The following PTPRD variants were observed in gnomAD, a reference collection of about 807,000 sequenced individuals.
PTPRD encodes receptor-type tyrosine-protein phosphatase delta.
A neutral mutation model predicts 214.5 loss-of-function variants in PTPRD; 34 were observed. That is an observed-to-expected ratio of 0.16 (90% confidence interval 0.12 to 0.21). The LOEUF (loss-of-function observed/expected upper bound fraction) is 0.21. Ranked by LOEUF, PTPRD falls within the 10% of genes least tolerant of loss-of-function variation. The pLI is 1.00. For missense variants in PTPRD, 2,545 were observed against 2,398.7 expected, an observed-to-expected ratio of 1.06 and a Z score of -1.27; for synonymous variants, 1,128 against 845.7, an observed-to-expected ratio of 1.33 and a Z score of -5.79.
At chr9:8,531,664 A>T (rs1011833836) in intron 14 of PTPRD, among the ~76,000 whole-genome samples, 1 of 152,048 alleles carries the variant, frequency 6.6e-6, no homozygotes, top group African/African-American at 2.4e-5. Context: ...TATCTCTCCC[A>T]TGGTGTTTAA....
chr9:8,634,878 T>C (rs986415927), intron 13 of PTPRD, among the ~76,000 whole-genome samples: 6 of 151,528 alleles, frequency 4.0e-5, no homozygotes, highest in African/African-American at 1.5e-4. Flanking sequence ...TACCACACAT[T>C]ACACGCCAGT....
chr9:10,029,184 A>G (rs551367783), intron 4 of PTPRD, among the ~76,000 whole-genome samples: 37 of 152,328 alleles, frequency 2.4e-4, no homozygotes, highest in African/African-American at 8.9e-4. Flanking sequence ...GAGGATGTAC[A>G]GAAATACCTG....
At chr9:8,325,766 T>C (rs1256722222) in intron 44 of PTPRD, among the ~76,000 whole-genome samples, 1 of 151,548 alleles carries the variant, frequency 6.6e-6, no homozygotes, top group Admixed American at 6.6e-5. Flanking sequence ...TGAACAGTGG[T>C]TTGTAGTTCT....
At chr9:10,074,953 G>C (rs958531613) in intron 3 of PTPRD, among the ~76,000 whole-genome samples, 1 of 152,070 alleles carries the variant, frequency 6.6e-6, no homozygotes, top group Non-Finnish European at 1.5e-5. Context: ...TTAGTCAAAC[G>C]ATTTAGGTGT....
intron 5 of PTPRD, among the ~76,000 whole-genome samples, chr9:9,925,150 A>G (rs1223686439): frequency 6.6e-6 from 1 of 152,118 alleles, no homozygotes; most frequent in Non-Finnish European, 1.5e-5. Context: ...TTAAATTATC[A>G]CAAATCTACA....
At chr9:10,260,428 CAG>C (rs140391407) in intron 3 of PTPRD, among the ~76,000 whole-genome samples, 13 of 152,254 alleles carry the variant, frequency 8.5e-5, no homozygotes, top group African/African-American at 2.9e-4. Flanking sequence ...TCAACAGATA[CAG>C]AGTTTCCCAT....
intron 9 of PTPRD, among the ~76,000 whole-genome samples, chr9:9,370,596 C>T (rs796799777): frequency 6.6e-6 from 1 of 151,132 alleles, no homozygotes; most frequent in African/African-American, 2.4e-5. Flanking sequence ...AATTGAATAC[C>T]CTTTATTTCC....
chr9:8,383,316 A>G (rs2085785542), intron 37 of PTPRD, among the ~76,000 whole-genome samples: 1 of 152,142 alleles, frequency 6.6e-6, no homozygotes, highest in African/African-American at 2.4e-5. Flanking sequence ...TAGGAGGAGG[A>G]GTGAGTGGTC....
At chr9:9,979,313 C>T (rs888315519) in intron 4 of PTPRD, among the ~76,000 whole-genome samples, 19 of 151,996 alleles carry the variant, frequency 1.3e-4, no homozygotes, top group African/African-American at 3.9e-4. Context: ...AGGTATTTTG[C>T]TTTTCCAGAT....
At chr9:10,209,099 G>A (rs2099501444) in intron 3 of PTPRD, among the ~76,000 whole-genome samples, 1 of 152,068 alleles carries the variant, frequency 6.6e-6, no homozygotes, top group Non-Finnish European at 1.5e-5. Context: ...TTTTTCCACT[G>A]GAAACTGTGT....
rs562509740 is a variant in PTPRD at position 10,275,855 on chromosome 9, G to A, written c.-545+65108C>T. Among the ~76,000 whole-genome samples the A allele has an allele frequency of 3.9e-5, 6 of 152,284 alleles. No individual in the cohort carries two copies. In the East Asian group the frequency reaches 1.2e-3, roughly 29 times the overall value. The stretch of plus-strand genomic sequence containing the variant: ...ATGCCCCAAGTGGAGAAAAATCCCT[G>A]AGGGACATGAAATGAAAGAAGAGAA... On this transcript the variant is annotated intron_variant, in intron 3 of 45. Coordinates refer to ENST00000381196, the MANE Select transcript of PTPRD (RefSeq NM_002839.4).
intron 10 of PTPRD, among the ~76,000 whole-genome samples, chr9:9,036,293 C>G (rs534290147): frequency 6.6e-6 from 1 of 150,654 alleles, no homozygotes; most frequent in Non-Finnish European, 1.5e-5. Flanking sequence ...ATAATTAGTG[C>G]TCTTCTAAGT....
chr9:9,843,930 T>G (rs1481561604), intron 5 of PTPRD, among the ~76,000 whole-genome samples: 1 of 152,024 alleles, frequency 6.6e-6, no homozygotes, highest in African/African-American at 2.4e-5. Flanking sequence ...GGCTTAAGAT[T>G]CATTGGGGAA....
intron 7 of PTPRD, among the ~76,000 whole-genome samples, chr9:9,713,086 G>A (rs952986009): frequency 1.3e-5 from 2 of 152,104 alleles, no homozygotes; most frequent in African/African-American, 4.8e-5. Flanking sequence ...ATATGGGCAA[G>A]ATTATTCTAC....
At chr9:10,351,546 A>G (rs1034412555) in intron 2 of PTPRD, among the ~76,000 whole-genome samples, 4 of 152,062 alleles carry the variant, frequency 2.6e-5, no homozygotes, top group Admixed American at 6.6e-5. Flanking sequence ...GTTGGAGTCA[A>G]TCATAGCTGG....
intron 3 of PTPRD, among the ~76,000 whole-genome samples, chr9:10,220,590 C>T (rs1215025093): frequency 6.6e-6 from 1 of 151,918 alleles, no homozygotes; most frequent in East Asian, 1.9e-4. Context: ...TGTCCTGTTA[C>T]AATTATTTTT....
At chr9:10,174,377 C>G (rs2099232736) in intron 3 of PTPRD, among the ~76,000 whole-genome samples, 1 of 152,140 alleles carries the variant, frequency 6.6e-6, no homozygotes, top group Non-Finnish European at 1.5e-5. Flanking sequence ...CACCAAGTGA[C>G]CTCTGCACAG....
At chr9:9,421,406 G>A (rs1382264140) in intron 8 of PTPRD, among the ~76,000 whole-genome samples, 3 of 151,946 alleles carry the variant, frequency 2.0e-5, no homozygotes, top group Non-Finnish European at 2.9e-5. Context: ...TAGGAATCAC[G>A]AGAAAGACTA....
chr9:9,387,458 CT>C (rs1049220933), intron 9 of PTPRD, among the ~76,000 whole-genome samples: 3 of 152,008 alleles, frequency 2.0e-5, no homozygotes, highest in African/African-American at 4.8e-5. Context: ...AGAGTACAGA[CT>C]TTTTTCTTTT....
Sources: gnomAD v4.1 joint callset for allele counts (sites outside exome capture counted in the v4.1 genomes callset) on GRCh38, gnomAD v4.1.1 for gene constraint, MANE v1.5 for transcripts, NCBI Gene and HGNC (gene_info 2026-07-23, HGNC 2026-07-21) for gene names.